OR2AJ1: variants seen among roughly 807,000 people sequenced by gnomAD.
The protein encoded by OR2AJ1 is olfactory receptor family 2 subfamily AJ member 1.
For missense variants in OR2AJ1, 280 were observed against 163.2 expected (o/e 1.72, Z -3.90); for synonymous variants, 105 against 60.3 (o/e 1.74, Z -3.44).
intron 1 of OR2AJ1, among the ~76,000 whole-genome samples, chr1:247,929,101 A>C (rs1051634226): frequency 1.3e-5 from 2 of 152,194 alleles, no homozygotes; most frequent in Non-Finnish European, 2.9e-5. Context: ...GGGCCAAAAA[A>C]AATGGTGAAT....
chr1:247,928,832 C>T (rs1265276098), intron 1 of OR2AJ1, among the ~76,000 whole-genome samples: 7 of 152,148 alleles, frequency 4.6e-5, no homozygotes, highest in African/African-American at 9.7e-5. Flanking sequence ...CGGTGCCTCA[C>T]GCCTGTAATC....
chr1:247,930,380 T>A lies in OR2AJ1; in HGVS notation c.-22-3367T>A, dbSNP rs547541068. ...TTTTTTAGTTGAACTAAGTCTAAAT[T>A]AATGAATATGTGGTGTGTTTTAACA... On this transcript the variant is annotated intron_variant, in intron 1 of 1. Coordinates refer to ENST00000318244, the MANE Select transcript of OR2AJ1 (RefSeq NM_001355235.2). 2.0e-5 allele frequency among the ~76,000 whole-genome samples: 3 copies of A among 152,296 alleles called. No homozygotes were observed. In the South Asian group the frequency reaches 6.2e-4, roughly 32 times the overall value.
At chr1:247,931,367 G>GC (rs1660151237) in intron 1 of OR2AJ1, among the ~76,000 whole-genome samples, 1 of 152,094 alleles carries the variant, frequency 6.6e-6, no homozygotes, top group African/African-American at 2.4e-5. Context: ...GCATACAATG[G>GC]CAGATTTCAC....
chr1:247,932,243 C>T (rs1477766087), intron 1 of OR2AJ1, among the ~76,000 whole-genome samples: 1 of 152,056 alleles, frequency 6.6e-6, no homozygotes, highest in African/African-American at 2.4e-5. Context: ...AGCTGAGGCT[C>T]GAGAATTGCT....
intron 1 of OR2AJ1, among the ~76,000 whole-genome samples, chr1:247,929,575 AG>A (rs1399576713): frequency 2.1e-5 from 3 of 145,864 alleles, no homozygotes; most frequent in Non-Finnish European, 4.5e-5. Context: ...ACTGTGTGCC[AG>A]GCTCTATTCC....
intron 1 of OR2AJ1, among the ~76,000 whole-genome samples, chr1:247,929,046 T>C (rs924969407): frequency 2.7e-4 from 41 of 152,160 alleles, no homozygotes; most frequent in Admixed American, 2.7e-3. Flanking sequence ...AGAAGACATG[T>C]GGTCACTCAC....
In OR2AJ1 at chr1:247,934,500, C is replaced by T. The variant is rs1241946514; in HGVS notation, c.732C>T (p.His244=). The T allele has an allele frequency of 1.4e-6, 1 of 717,438 alleles. No homozygotes were observed. Among genetic ancestry groups the T allele is most frequent in the African/African-American group, 1.7e-5 (1 of 57,254 alleles). The allele number at this position is 717,438 out of a possible 1,614,324, so 44.4% of individuals were successfully genotyped here. The change falls in exon 2 of 2, where the codon CAC becomes CAT. Residue 244 remains histidine, a synonymous_variant. Coordinates refer to ENST00000318244, the MANE Select transcript of OR2AJ1 (RefSeq NM_001355235.2). ...AGTCATTTTCCACTTGTTCCTTCCACATGATTGTGGTCACGATGTACTATG... is the reference window on the plus strand; with the variant it reads ...AGTCATTTTCCACTTGTTCCTTCCATATGATTGTGGTCACGATGTACTATG... ...RKKSFSTCSF[H]MIVVTMYYGP...
At chr1:247,930,989 T>TTTCAGACTGACCTGCCTGACTGCTTC (rs1660147734) in intron 1 of OR2AJ1, among the ~76,000 whole-genome samples, 1 of 152,332 alleles carries the variant, frequency 6.6e-6, no homozygotes, top group South Asian at 2.1e-4. Flanking sequence ...ACTGGTTAAA[T>TTTCAGACTGACCTGCCTGACTGCTTC]TTCAGACTGA....
intron 1 of OR2AJ1, among the ~76,000 whole-genome samples, chr1:247,933,404 G>T (rs1005831023): frequency 6.6e-6 from 1 of 152,190 alleles, no homozygotes; most frequent in African/African-American, 2.4e-5. Flanking sequence ...GGTTTAAGTG[G>T]GAGCCCTACA....
Position 247,934,195 on chromosome 1 carries a change from C to T in OR2AJ1, c.427C>T (p.Leu143Phe). The change falls in exon 2 of 2, where the codon CTC (leucine) becomes TTC (phenylalanine). Residue 143 changes from leucine to phenylalanine, a missense_variant. By Grantham distance (22) the Leu-to-Phe change is conservative. Transcript: ENST00000318244. ...TCTTATGAAGGAGTATGCCAGCGCT[C>T]TCATGGCTGGAGGCTCCTGGCTCAT... Reference protein sequence around the residue: ...PILMKEYASALMAGGSWLIGV... With the variant: ...PILMKEYASAFMAGGSWLIGV... 1.4e-6 allele frequency: 1 copy of T among 718,584 alleles called. No individual in the cohort carries two copies. Among genetic ancestry groups the T allele is most frequent in the East Asian group, 2.7e-5 (1 of 37,340 alleles). The allele number at this position is 718,584 out of a possible 1,614,324, so 44.5% of individuals were successfully genotyped here.
chr1:247,931,619 GC>G (rs1358983737), intron 1 of OR2AJ1, among the ~76,000 whole-genome samples: 9 of 152,158 alleles, frequency 5.9e-5, no homozygotes, highest in Admixed American at 5.9e-4. Flanking sequence ...AGGTATTATT[GC>G]GTAGATGATA....
intron 1 of OR2AJ1, among the ~76,000 whole-genome samples, chr1:247,928,349 A>AT (rs1660114624): frequency 6.6e-6 from 1 of 152,152 alleles, no homozygotes; most frequent in Admixed American, 6.5e-5. Context: ...CCTATTTTCA[A>AT]TTGGATTATG....
intron 1 of OR2AJ1, among the ~76,000 whole-genome samples, chr1:247,930,872 C>T (rs571902661): frequency 4.6e-5 from 7 of 152,216 alleles, no homozygotes; most frequent in African/African-American, 1.7e-4. Flanking sequence ...ATTATGTACA[C>T]GATTTATGCT....
At chr1:247,932,365 C>G (rs1328206451) in intron 1 of OR2AJ1, among the ~76,000 whole-genome samples, 1 of 152,006 alleles carries the variant, frequency 6.6e-6, no homozygotes, top group Non-Finnish European at 1.5e-5. Context: ...AAAACAACAA[C>G]ATAAAAAACA....
chr1:247,934,239 A>C lies in OR2AJ1; in HGVS notation c.471A>C (p.Thr157=), dbSNP rs1660189986. 5.6e-6 allele frequency: 4 copies of C among 719,934 alleles called. No homozygotes were observed. Among genetic ancestry groups the C allele is most frequent in the Non-Finnish European group, 1.0e-5 (4 of 386,650 alleles). 44.6% of individuals were successfully genotyped at this position (719,934 alleles called of 1,614,324 possible). The change falls in exon 2 of 2, where the codon ACA becomes ACC. Residue 157 remains threonine, a synonymous_variant. Coordinates refer to ENST00000318244, the MANE Select transcript of OR2AJ1 (RefSeq NM_001355235.2). ...GGCTCATTGGGGTTTTCAACTCCAC[A>C]GTCCACACAGCTTATGCACTGCAGT... ...GSWLIGVFNS[T]VHTAYALQFP...
At chr1:247,931,794 A>T (rs1224254174) in intron 1 of OR2AJ1, among the ~76,000 whole-genome samples, 1 of 152,254 alleles carries the variant, frequency 6.6e-6, no homozygotes, top group African/African-American at 2.4e-5. Context: ...AGGACATATG[A>T]TTCAGTAGGG....
At chr1:247,926,127 T>A (rs1171254425) in intron 1 of OR2AJ1, among the ~76,000 whole-genome samples, 1 of 152,162 alleles carries the variant, frequency 6.6e-6, no homozygotes, top group East Asian at 1.9e-4. Context: ...TTTAGATAAA[T>A]GAAACACCAT....
intron 1 of OR2AJ1, among the ~76,000 whole-genome samples, chr1:247,927,256 A>G (rs1266949405): frequency 6.6e-6 from 1 of 152,164 alleles, no homozygotes; most frequent in Non-Finnish European, 1.5e-5. Flanking sequence ...CTGCACTATA[A>G]TAAGAAAATC....
Position 247,934,709 on chromosome 1 carries a change from T to C in OR2AJ1, c.941T>C (p.Met314Thr), listed in dbSNP as rs1484031610. 1 of 714,362 alleles carries C rather than the reference T, an allele frequency of 1.4e-6. No homozygotes were observed. The highest frequency in any genetic ancestry group is 2.6e-6 in the Non-Finnish European group (1 of 384,922). The allele number at this position is 714,362 out of a possible 1,614,324, so 44.3% of individuals were successfully genotyped here. A position where few individuals can be genotyped will look rare whatever the true frequency, so the allele number is the denominator to read the frequency against. ...AAAAGTAACTTTCTGCACAAAAAAA[T>C]GAATAGGAAAATTCCTGAATGTGTG... The part of the protein sequence containing the change: ...MLKSNFLHKK[M>T]NRKIPECVFC... Residue 314 changes from methionine (M) to threonine (T), a missense_variant, in exon 2 of 2, where the codon ATG becomes ACG. By Grantham distance (81) the Met-to-Thr change is moderately conservative. Coordinates refer to ENST00000318244, the MANE Select transcript of OR2AJ1 (RefSeq NM_001355235.2).
Sources: allele counts gnomAD v4.1 joint callset (sites outside exome capture counted in the v4.1 genomes callset), GRCh38; gene constraint gnomAD v4.1.1; transcripts MANE v1.5; gene names NCBI Gene and HGNC (gene_info 2026-07-23, HGNC 2026-07-21).